Variants in COBL observed in about 807,000 individuals in gnomAD.
COBL encodes protein cordon-bleu.
Under a neutral mutation model 98.8 loss-of-function variants are expected in COBL, and 51 were observed. The ratio of observed to expected loss-of-function variants is 0.52; its 90% confidence interval spans 0.41 to 0.65. The LOEUF is 0.65. Ranked by LOEUF, COBL falls within the 30% of genes least tolerant of loss-of-function variation. The pLI is 0.00. For synonymous variants in COBL, 634 were observed against 651.7 expected, an observed-to-expected ratio of 0.97 and a Z score of 0.41; for missense variants, 1,617 against 1,617.5, an observed-to-expected ratio of 1.00 and a Z score of 0.01.
intron 8 of COBL, among the ~76,000 whole-genome samples, chr7:51,042,548 GA>G (rs897544906): frequency 6.6e-6 from 1 of 152,052 alleles, no homozygotes; most frequent in African/African-American, 2.4e-5. Context: ...TTTTTGTAGA[GA>G]AAAGGTCTCA....
chr7:51,043,241 G>A (rs897777138), intron 8 of COBL, 142 bp downstream of exon 8: 6 of 665,696 alleles, frequency 9.0e-6, no homozygotes, highest in South Asian at 5.6e-5. Flanking sequence ...ATGCCTGAGA[G>A]CAGCTGCTGT....
intron 1 of COBL, among the ~76,000 whole-genome samples, chr7:51,255,169 A>G (rs1335967691): frequency 6.6e-6 from 1 of 152,216 alleles, no homozygotes; most frequent in East Asian, 1.9e-4. Context: ...CGTATAAACA[A>G]ACATTTAAAA....
chr7:51,074,427 CT>C (rs1464884639), intron 7 of COBL, among the ~76,000 whole-genome samples: 1 of 152,058 alleles, frequency 6.6e-6, no homozygotes, highest in Non-Finnish European at 1.5e-5. Context: ...ATCTCCTGAC[CT>C]CGTGATCCAC....
chr7:51,170,249 C>A (rs919866740), intron 5 of COBL, among the ~76,000 whole-genome samples: 1 of 149,074 alleles, frequency 6.7e-6, no homozygotes, highest in Admixed American at 6.6e-5. Context: ...CAGTTTATTT[C>A]CCCCCACAAA....
At chr7:51,265,426 G>C (rs369521162) in intron 1 of COBL, among the ~76,000 whole-genome samples, 55 of 152,326 alleles carry the variant, frequency 3.6e-4, no homozygotes, top group East Asian at 1.7e-3. Flanking sequence ...AGGGCAGAAG[G>C]CTCCCCAGGC....
intron 1 of COBL, among the ~76,000 whole-genome samples, chr7:51,307,891 G>A (rs565290778): frequency 6.6e-6 from 1 of 152,318 alleles, no homozygotes; most frequent in East Asian, 1.9e-4. Context: ...GGGTGGCTTG[G>A]CTCTTGTGAG....
chr7:51,099,401 TAC>T (rs1354799903), intron 6 of COBL, among the ~76,000 whole-genome samples: 1 of 152,178 alleles, frequency 6.6e-6, no homozygotes, highest in Non-Finnish European at 1.5e-5. Context: ...ATGTGGTCTA[TAC>T]ACAGAGTGGA....
chr7:51,268,031 G>A (rs1008278332), intron 1 of COBL, among the ~76,000 whole-genome samples: 1 of 152,132 alleles, frequency 6.6e-6, no homozygotes, highest in African/African-American at 2.4e-5. Flanking sequence ...TCCCTGCCCT[G>A]GTATCTGGTA....
Position 51,304,546 on chromosome 7 carries a change from T to C in COBL, c.41+12047A>G, listed in dbSNP as rs1055203941. 3.9e-5 allele frequency among the ~76,000 whole-genome samples: 6 copies of C among 152,348 alleles called. No individual in the cohort carries two copies. In the South Asian group the frequency reaches 1.2e-3, roughly 32 times the overall value. ...CATTAGTTTCCTATCAAGGTGGCAT[T>C]GGCCGCATTTCTACCATAAGAAAAC... On this transcript the variant is annotated intron_variant, in intron 1 of 12. Transcript: ENST00000265136.
intron 7 of COBL, among the ~76,000 whole-genome samples, chr7:51,084,212 A>G (rs1476330633): frequency 6.6e-6 from 1 of 152,136 alleles, no homozygotes; most frequent in Non-Finnish European, 1.5e-5. Flanking sequence ...AGCTCTCACT[A>G]AAGGTCCAGA....
intron 1 of COBL, among the ~76,000 whole-genome samples, chr7:51,305,752 T>C (rs967588967): frequency 9.9e-5 from 15 of 151,928 alleles, no homozygotes; most frequent in Non-Finnish European, 1.5e-5. Context: ...TACTCGATGA[T>C]GGCTGGGCGT....
chr7:51,206,193 T>C (rs1354487582), intron 2 of COBL, among the ~76,000 whole-genome samples: 1 of 152,132 alleles, frequency 6.6e-6, no homozygotes, highest in African/African-American at 2.4e-5. Flanking sequence ...TCTGGGTACA[T>C]ATTTCTAAAG....
chr7:51,040,377 G>A (rs1789064649), intron 8 of COBL, among the ~76,000 whole-genome samples: 1 of 152,136 alleles, frequency 6.6e-6, no homozygotes, highest in Non-Finnish European at 1.5e-5. Context: ...GACTCAAAGA[G>A]CATCTTCATC....
chr7:51,182,668 G>T (rs1789101042), intron 5 of COBL, among the ~76,000 whole-genome samples: 1 of 151,466 alleles, frequency 6.6e-6, no homozygotes, highest in Admixed American at 6.6e-5. Context: ...GAAGAGAGGG[G>T]GAGAGGAAGG....
intron 1 of COBL, among the ~76,000 whole-genome samples, chr7:51,279,795 C>A (rs1799651425): frequency 6.6e-6 from 1 of 152,184 alleles, no homozygotes; most frequent in Admixed American, 6.5e-5. Flanking sequence ...CCCCTCCTGA[C>A]CCCTGGCAAC....
chr7:51,241,888 G>A (rs1195308789), intron 1 of COBL, among the ~76,000 whole-genome samples: 1 of 152,176 alleles, frequency 6.6e-6, no homozygotes, highest in East Asian at 1.9e-4. Context: ...GGAGAGTAAT[G>A]TCTGGAGACA....
chr7:51,029,973 G>A (rs778190807), intron 9 of COBL, among the ~76,000 whole-genome samples: 5 of 152,212 alleles, frequency 3.3e-5, no homozygotes, highest in Non-Finnish European at 7.3e-5. Flanking sequence ...ACAAAATCCA[G>A]AGGACCACGG....
chr7:51,276,588 C>T (rs1202645864), intron 1 of COBL, among the ~76,000 whole-genome samples: 2 of 152,190 alleles, frequency 1.3e-5, no homozygotes, highest in Admixed American at 6.5e-5. Context: ...ACCTCCAACC[C>T]GCCAGGGACT....
Position 51,025,190 on chromosome 7 carries a change from GC to G in COBL, c.3686del (p.Gly1229AlafsTer13). On this transcript the variant is annotated frameshift_variant, in exon 12 of 13. Transcript: ENST00000265136. LOFTEE classifies it high-confidence loss of function. ...TTGCGTCTGCGGTGTTGCTGAGGGT[GC>G]CCGTGCTGAACCTGGAGGCCGTCCT... Reference protein sequence around the residue: ...APRTASRFSTGTLSNTADARQ... With the variant: ...APRTASRFSTXTLSNTADARQ... 2 of 1,554,020 alleles carry G rather than the reference GC, an allele frequency of 1.3e-6. No homozygotes were observed. The highest frequency in any genetic ancestry group is 1.7e-6 in the Non-Finnish European group (2 of 1,144,998).
Sources: allele counts gnomAD v4.1 joint callset (sites outside exome capture counted in the v4.1 genomes callset), GRCh38; gene constraint gnomAD v4.1.1; transcripts MANE v1.5; gene names NCBI Gene and HGNC (gene_info 2026-07-23, HGNC 2026-07-21).